The following DDR2 variants were observed in gnomAD, a reference collection of about 807,000 sequenced individuals.
DDR2 encodes discoidin domain-containing receptor 2.
DDR2 carries 27 observed loss-of-function variants against 94.9 expected under a neutral mutation model. The ratio of observed to expected loss-of-function variants is 0.28; its 90% confidence interval spans 0.21 to 0.39. The LOEUF is 0.39. Ranked by LOEUF, DDR2 falls within the 10% of genes least tolerant of loss-of-function variation. DDR2 has a pLI of 1.00. For synonymous variants in DDR2, 382 were observed against 377.2 expected, an observed-to-expected ratio of 1.01 and a Z score of -0.15; for missense variants, 783 against 1,076.0, an observed-to-expected ratio of 0.73 and a Z score of 3.81.
intron 2 of DDR2, among the ~76,000 whole-genome samples, chr1:162,718,264 T>C (rs1376034376): frequency 6.6e-6 from 1 of 152,144 alleles, no homozygotes; most frequent in Non-Finnish European, 1.5e-5. Context: ...GTCTGCTCCA[T>C]TCCCAGAATC....
chr1:162,632,653 T>A (rs1250108695), intron 1 of DDR2, 22 bp downstream of exon 1: 1 of 152,252 alleles, frequency 6.6e-6, no homozygotes, highest in Non-Finnish European at 1.5e-5. Context: ...GGGTCTTTTT[T>A]CTTTATTATT....
chr1:162,773,613 T>C lies in DDR2; in HGVS notation c.1856+17T>C. ...GAATGCCAGGTCTGTGGTCTACATT[T>C]TGAATTTTCCTTTAGGTATTTCATC... On this transcript the variant is annotated intron_variant, in intron 14 of 17. Coordinates refer to ENST00000367921, the MANE Select transcript of DDR2 (RefSeq NM_006182.4). 2 of 1,613,708 alleles carry C rather than the reference T, an allele frequency of 1.2e-6. No individual in the cohort carries two copies. The highest frequency in any genetic ancestry group is 1.7e-6 in the Non-Finnish European group (2 of 1,179,704).
chr1:162,714,543 G>T (rs1261209037), intron 2 of DDR2, among the ~76,000 whole-genome samples: 1 of 152,124 alleles, frequency 6.6e-6, no homozygotes, highest in Non-Finnish European at 1.5e-5. Context: ...ATTTATTCAT[G>T]AGTCTTTTCT....
In DDR2 at chr1:162,704,524, T is replaced by A. The variant is rs140517495; in HGVS notation, c.-27-14513T>A. 1.1e-4 allele frequency among the ~76,000 whole-genome samples: 17 copies of A among 152,314 alleles called. No individual in the cohort carries two copies. In the East Asian group the frequency reaches 3.3e-3, roughly 29 times the overall value. ...ACCTTATAAACAACAGAAATTTATT[T>A]CTCATTGTCCTGGAGGCTAGGACGT... On this transcript the variant is annotated intron_variant, in intron 2 of 17. Coordinates refer to ENST00000367921, the MANE Select transcript of DDR2 (RefSeq NM_006182.4).
chr1:162,764,929 A>G (rs1412822206), intron 9 of DDR2, among the ~76,000 whole-genome samples: 2 of 152,152 alleles, frequency 1.3e-5, no homozygotes, highest in South Asian at 2.1e-4. Context: ...GCTTATTAAG[A>G]TGTACTGATA....
chr1:162,698,004 T>C (rs754191483), intron 2 of DDR2, among the ~76,000 whole-genome samples: 9 of 152,190 alleles, frequency 5.9e-5, no homozygotes, highest in Admixed American at 1.3e-4. Context: ...CTATTAACAC[T>C]GAAGACAGCA....
intron 1 of DDR2, among the ~76,000 whole-genome samples, chr1:162,639,894 T>C (rs74116777): frequency 0.041 from 6,266 of 152,230 alleles, 429 homozygotes; most frequent in African/African-American, 0.14. Flanking sequence ...GAGGGAGGGA[T>C]AAATTGAACA....
intron 2 of DDR2, among the ~76,000 whole-genome samples, chr1:162,687,933 G>C (rs1659766384): frequency 6.6e-6 from 1 of 152,174 alleles, no homozygotes; most frequent in South Asian, 2.1e-4. Flanking sequence ...ACACCATGTA[G>C]GTGAGCATCT....
At chr1:162,754,114 G>A (rs1476929516) in intron 4 of DDR2, among the ~76,000 whole-genome samples, 1 of 152,124 alleles carries the variant, frequency 6.6e-6, no homozygotes, top group African/African-American at 2.4e-5. Context: ...CTACTTCCTT[G>A]ACATGCTCTT....
chr1:162,655,527 T>A (rs541194540), intron 2 of DDR2, among the ~76,000 whole-genome samples, 153 bp downstream of exon 2: 116 of 152,282 alleles, frequency 7.6e-4, no homozygotes, highest in Middle Eastern at 6.8e-3. Context: ...GAGAAGACAA[T>A]GTATTTGACT....
chr1:162,776,086 A>G (rs1558081320), intron 15 of DDR2, 50 bp from the exon 16 acceptor site: 1 of 1,518,104 alleles, frequency 6.6e-7, no homozygotes. Flanking sequence ...TACCTTTCAC[A>G]TCTTCCTGTT....
At chr1:162,761,497 T>G in intron 9 of DDR2, 43 bp downstream of exon 9, 1 of 1,613,970 alleles carries the variant, frequency 6.2e-7, no homozygotes, top group African/African-American at 1.3e-5. Context: ...AGCAAGGTGA[T>G]GAAGGAGGAA....
At chr1:162,707,687 T>C (rs1305133889) in intron 2 of DDR2, among the ~76,000 whole-genome samples, 1 of 152,210 alleles carries the variant, frequency 6.6e-6, no homozygotes, top group Non-Finnish European at 1.5e-5. Context: ...TTGCCCCAGG[T>C]GATTCAGCCA....
intron 16 of DDR2, among the ~76,000 whole-genome samples, chr1:162,776,910 C>T (rs984515111): frequency 2.6e-5 from 4 of 152,116 alleles, no homozygotes; most frequent in Admixed American, 2.0e-4. Flanking sequence ...TCTGTCCATG[C>T]ATACCTGAGA....
chr1:162,751,268 A>T (rs1245238905), intron 3 of DDR2, among the ~76,000 whole-genome samples: 1 of 152,246 alleles, frequency 6.6e-6, no homozygotes. Flanking sequence ...GCTAATATCC[A>T]GAGTGTACAA....
chr1:162,697,108 A>G (rs1660229946), intron 2 of DDR2, among the ~76,000 whole-genome samples: 1 of 152,164 alleles, frequency 6.6e-6, no homozygotes, highest in South Asian at 2.1e-4. Context: ...GGGAGAGCTC[A>G]GTAGGAAAGT....
At chr1:162,749,066 A>G (rs1663040151) in intron 3 of DDR2, among the ~76,000 whole-genome samples, 2 of 152,238 alleles carry the variant, frequency 1.3e-5, no homozygotes. Context: ...AAGATCTAAA[A>G]TTGACACTCT....
intron 2 of DDR2, among the ~76,000 whole-genome samples, chr1:162,684,428 A>C (rs1284897445): frequency 6.6e-6 from 1 of 152,186 alleles, no homozygotes. Flanking sequence ...GTCAAATGCC[A>C]AGAACTTTCA....
chr1:162,653,934 C>A (rs755224302), intron 1 of DDR2, among the ~76,000 whole-genome samples: 4 of 152,118 alleles, frequency 2.6e-5, no homozygotes, highest in Admixed American at 2.0e-4. Flanking sequence ...CTGTATCCTT[C>A]ACTAAAGAAA....
Sources: allele counts gnomAD v4.1 joint callset (sites outside exome capture counted in the v4.1 genomes callset), GRCh38; gene constraint gnomAD v4.1.1; transcripts MANE v1.5; gene names NCBI Gene and HGNC (gene_info 2026-07-23, HGNC 2026-07-21).